TNRC18: variants seen among roughly 807,000 people sequenced by gnomAD.
TNRC18 encodes trinucleotide repeat containing 18.
Under a neutral mutation model 226.7 loss-of-function variants are expected in TNRC18, and 69 were observed. The ratio of observed to expected loss-of-function variants is 0.30; its 90% CI spans 0.25 to 0.37. The LOEUF is 0.37. Ranked by LOEUF, TNRC18 falls within the 10% of genes least tolerant of loss-of-function variation. The pLI is 1.00. For missense variants in TNRC18, 4,754 were observed against 4,256.6 expected (o/e 1.12, Z -3.25); for synonymous variants, 2,449 against 1,927.6 (o/e 1.27, Z -7.09).
chr7:5,378,761 G>A (rs185558421), intron 5 of TNRC18, among the ~76,000 whole-genome samples: 182 of 152,144 alleles, frequency 1.2e-3, no homozygotes, highest in Admixed American at 1.8e-3. Context: ...CTGAGCTGGG[G>A]ATTTGGTGAG....
Position 5,312,832 on chromosome 7 carries a change from G to A in TNRC18, c.8059C>T (p.Pro2687Ser), listed in dbSNP as rs752161395. The change falls in exon 27 of 30, where the codon CCC (proline) becomes TCC (serine). Residue 2687 changes from proline (P) to serine (S), a missense_variant. Coordinates refer to ENST00000430969, the MANE Select transcript of TNRC18 (RefSeq NM_001080495.3). The surrounding 1 kb of genome is among the most constrained non-coding windows in gnomAD (Gnocchi z 6.3). ...SSCSSDDEAA[P>S]APTAGPSAQA... ...GCGGAAGGGCCAGCCGTGGGGGCGGGGGCTGCCTCATCGTCCGAGCTGCAG... is the reference window on the plus strand; with the variant it reads ...GCGGAAGGGCCAGCCGTGGGGGCGGAGGCTGCCTCATCGTCCGAGCTGCAG... 21 of 1,532,030 alleles carry A rather than the reference G, an allele frequency of 1.4e-5. No individual in the cohort carries two copies. Among genetic ancestry groups the A allele is most frequent in the South Asian group, 2.6e-5 (2 of 77,688 alleles). 94.9% of individuals were successfully genotyped at this position (1,532,030 alleles called of 1,614,324 possible).
intron 2 of TNRC18, among the ~76,000 whole-genome samples, chr7:5,400,544 G>A (rs895107793): frequency 4.6e-5 from 7 of 151,960 alleles, no homozygotes; most frequent in Non-Finnish European, 2.9e-5. Context: ...CCTAGGAGGT[G>A]GAAGGTGCAG....
At position 5,333,062 on chromosome 7, in the gene TNRC18, G is replaced by A; in HGVS notation, c.5720-13C>T. The A allele has an allele frequency of 6.4e-7, 1 of 1,564,262 alleles. No individual in the cohort carries two copies. The highest frequency in any genetic ancestry group is 1.2e-5 in the South Asian group (1 of 86,276). ...TCGAACTCTGTGCCTGAACGCGGGA[G>A]GAGGGCGTGCTGGTCACAGCCTCGT... On this transcript the variant is annotated splice_polypyrimidine_tract_variant and intron_variant, in intron 18 of 29. Coordinates refer to ENST00000430969, the MANE Select transcript of TNRC18 (RefSeq NM_001080495.3).
At position 5,332,660 on chromosome 7, in the gene TNRC18, C is replaced by T; in HGVS notation, c.6109G>A (p.Asp2037Asn). 1 of 1,531,684 alleles carries T rather than the reference C, an allele frequency of 6.5e-7. No homozygotes were observed. The highest frequency in any genetic ancestry group is 8.8e-7 in the Non-Finnish European group (1 of 1,141,638). 94.9% of individuals were successfully genotyped at this position (1,531,684 alleles called of 1,614,324 possible). Residue 2037 changes from aspartate to asparagine, a missense_variant, in exon 19 of 30, where the codon GAC becomes AAC. Transcript: ENST00000430969. ...AKGGPLSPRK[D>N]AGRAKDRKDP... ...TTCCTGTCCTTTGCACGCCCGGCGT[C>T]CTTGCGCGGGCTCAGGGGGCCGCCC...
intron 17 of TNRC18, among the ~76,000 whole-genome samples, chr7:5,347,682 C>T (rs1008882450): frequency 3.3e-5 from 5 of 150,764 alleles, no homozygotes; most frequent in African/African-American, 7.3e-5. Context: ...AATAGGCCAG[C>T]GCAGTGGCTC....
chr7:5,399,914 C>T (rs1003378963), intron 2 of TNRC18, among the ~76,000 whole-genome samples: 1 of 151,534 alleles, frequency 6.6e-6, no homozygotes, highest in African/African-American at 2.4e-5. Flanking sequence ...TGGTGGCAGG[C>T]GCCTATAGTC....
At chr7:5,417,688 T>C (rs1283168252) in intron 2 of TNRC18, among the ~76,000 whole-genome samples, 1 of 152,144 alleles carries the variant, frequency 6.6e-6, no homozygotes, top group Non-Finnish European at 1.5e-5. Flanking sequence ...AGGAAAGCGC[T>C]GGGGTTGGGA....
chr7:5,323,581 T>TTTTTTTTG (rs60338709), intron 21 of TNRC18, among the ~76,000 whole-genome samples: 2 of 150,216 alleles, frequency 1.3e-5, no homozygotes, highest in Admixed American at 6.6e-5. Flanking sequence ...TTTTTTTTTT[T>TTTTTTTTG]GAGACACAGT....
intron 20 of TNRC18, 46 bp downstream of exon 20, chr7:5,325,050 T>A: frequency 6.5e-7 from 1 of 1,544,546 alleles, no homozygotes; most frequent in South Asian, 1.2e-5. Flanking sequence ...CACAGGAGCA[T>A]GGCTGAGCCC....
At chr7:5,347,381 A>G (rs1791308567) in intron 17 of TNRC18, among the ~76,000 whole-genome samples, 3 of 144,578 alleles carry the variant, frequency 2.1e-5, no homozygotes, top group Non-Finnish European at 1.5e-5. Flanking sequence ...TATTTTTAGT[A>G]GAGACGGGGT....
chr7:5,313,711 G>T lies in TNRC18; in HGVS notation c.7180C>A (p.Pro2394Thr). 1 of 1,588,848 alleles carries T rather than the reference G, an allele frequency of 6.3e-7. No homozygotes were observed. The change falls in exon 27 of 30, where the codon CCG becomes ACG. Residue 2394 changes from proline to threonine, a missense_variant. Coordinates refer to ENST00000430969, the MANE Select transcript of TNRC18 (RefSeq NM_001080495.3). ...AKAPKARPAP[P>T]QPSPAPPAFT... ...GCGGGTGGTGCGGGACTGGGCTGCGGCGGTGCCGGGCGCGCCTTGGGGGCC... is the reference window on the plus strand; with the variant it reads ...GCGGGTGGTGCGGGACTGGGCTGCGTCGGTGCCGGGCGCGCCTTGGGGGCC...
chr7:5,312,107 G>A lies in TNRC18; in HGVS notation c.8388+396C>T, dbSNP rs748786866. Among the ~76,000 whole-genome samples, 2 of 152,202 alleles carry A rather than the reference G, an allele frequency of 1.3e-5. No individual in the cohort carries two copies. The highest frequency in any genetic ancestry group is 2.4e-5 in the African/African-American group (1 of 41,448). ...GCCAAGATCACACCACCACACTCCA[G>A]CCTGGGCAACAGAGAGAGACTCAGT... On this transcript the variant is annotated intron_variant, in intron 27 of 29. Coordinates refer to ENST00000430969, the MANE Select transcript of TNRC18 (RefSeq NM_001080495.3). The surrounding 1 kb of genome is among the most constrained non-coding windows in gnomAD (Gnocchi z 6.3).
At chr7:5,349,030 G>C (rs1583864375) in intron 17 of TNRC18, among the ~76,000 whole-genome samples, 1 of 152,172 alleles carries the variant, frequency 6.6e-6, no homozygotes, top group East Asian at 1.9e-4. Flanking sequence ...AGCCACTCAG[G>C]TGCGCAGACT....
At position 5,319,700 on chromosome 7, in the gene TNRC18, G is replaced by C. The variant is rs1432293846; in HGVS notation, c.6745+618C>G. 2.6e-5 allele frequency among the ~76,000 whole-genome samples: 4 copies of C among 152,042 alleles called. No individual in the cohort carries two copies. The East Asian group carries it at 5.8e-4, about 22-fold the overall frequency. Reference sequence around the variant, plus strand: ...ATTTTTGTATTTTTAGTAGAGACGGGGTTTTACCACGTTGGCCAAGCTGGT... The same window carrying C: ...ATTTTTGTATTTTTAGTAGAGACGGCGTTTTACCACGTTGGCCAAGCTGGT... On this transcript the variant is annotated intron_variant, in intron 24 of 29. Coordinates refer to ENST00000430969, the MANE Select transcript of TNRC18 (RefSeq NM_001080495.3).
chr7:5,399,667 C>A (rs903421027), intron 2 of TNRC18, among the ~76,000 whole-genome samples: 1 of 152,000 alleles, frequency 6.6e-6, no homozygotes, highest in African/African-American at 2.4e-5. Context: ...GATCGCGCCA[C>A]TGCACTCCAG....
Position 5,312,456 on chromosome 7 carries a change from A to C in TNRC18, c.8388+47T>G, listed in dbSNP as rs575793809. ...GAAGCCGTGGGCCCAGCAGAGAGAC[A>C]CAAGGCCCCCGGCCCCTCGGCCGTG... On this transcript the variant is annotated intron_variant, in intron 27 of 29. Transcript: ENST00000430969. This position sits in a 1 kb window ranked among gnomAD's most constrained non-coding sequence, Gnocchi z 6.3. 12 of 1,593,112 alleles carry C rather than the reference A, an allele frequency of 7.5e-6. No individual in the cohort carries two copies. The Admixed American group carries it at 8.8e-5, about 12-fold the overall frequency.
At chr7:5,344,813 TCAGCCCGGTGA>T (rs1791005520) in intron 18 of TNRC18, among the ~76,000 whole-genome samples, 1 of 152,084 alleles carries the variant, frequency 6.6e-6, no homozygotes, top group East Asian at 1.9e-4. Context: ...GTGAGGGCAC[TCAGCCCGGTGA>T]GAACAGGGAG....
At position 5,357,212 on chromosome 7, in the gene TNRC18, G is replaced by A. The variant is rs1220621732; in HGVS notation, c.4898C>T (p.Ala1633Val). ...CTTGTCCTGCTTGGTGAGGGAGAGG[G>A]CCTTGTCGAGCTTGCTTGCCAACTG... ...QEQLASKLDK[A>V]LSLTKQDKLK... Residue 1633 changes from alanine to valine, a missense_variant, in exon 16 of 30, where the codon GCC becomes GTC. Coordinates refer to ENST00000430969, the MANE Select transcript of TNRC18 (RefSeq NM_001080495.3). The A allele has an allele frequency of 1.9e-6, 3 of 1,612,064 alleles. No individual in the cohort carries two copies. The highest frequency in any genetic ancestry group is 2.2e-5 in the East Asian group (1 of 44,856).
intron 21 of TNRC18, among the ~76,000 whole-genome samples, chr7:5,323,361 T>G (rs1583768516): frequency 3.0e-5 from 2 of 67,420 alleles, no homozygotes. Flanking sequence ...GTCCTCACCC[T>G]TCCCTTCCCC....
Sources: allele counts gnomAD v4.1 joint callset (sites outside exome capture counted in the v4.1 genomes callset), GRCh38; gene constraint gnomAD v4.1.1; non-coding constraint Gnocchi (gnomAD v3.1); transcripts MANE v1.5; gene names NCBI Gene and HGNC (gene_info 2026-07-23, HGNC 2026-07-21).